ZFAT: variants seen among roughly 807,000 people sequenced by gnomAD.
ZFAT encodes zinc finger protein ZFAT.
A neutral mutation model predicts 117.7 loss-of-function variants in ZFAT; 64 were observed. The ratio of observed to expected loss-of-function variants is 0.54; its 90% CI spans 0.44 to 0.67. The LOEUF is 0.67. Ranked by LOEUF, ZFAT falls within the 30% of genes least tolerant of loss-of-function variation. ZFAT has a pLI of 0.00. For missense variants in ZFAT, 1,433 were observed against 1,584.5 expected (o/e 0.90, Z 1.62); for synonymous variants, 679 against 615.0 (o/e 1.10, Z -1.54).
chr8:134,603,637 T>C (rs965935373), intron 5 of ZFAT, among the ~76,000 whole-genome samples: 1 of 152,242 alleles, frequency 6.6e-6, no homozygotes, highest in Non-Finnish European at 1.5e-5. Flanking sequence ...ATGTGTTTGA[T>C]TGGTGACTTC....
chr8:134,747,282 G>T, the ZFAT span, among the ~76,000 whole-genome samples: 1 of 151,566 alleles, frequency 6.6e-6, no homozygotes, highest in Non-Finnish European at 1.5e-5. Flanking sequence ...TACAGATGAG[G>T]TCTCACTGTG....
chr8:134,633,043 A>G (rs1829989762), intron 3 of ZFAT, among the ~76,000 whole-genome samples: 1 of 152,224 alleles, frequency 6.6e-6, no homozygotes, highest in African/African-American at 2.4e-5. Context: ...CGCACATTCT[A>G]CAGGGCAGTT....
At chr8:134,559,819 T>C (rs542599570) in intron 11 of ZFAT, among the ~76,000 whole-genome samples, 1 of 152,362 alleles carries the variant, frequency 6.6e-6, no homozygotes, top group Admixed American at 6.5e-5. Context: ...TATTCCCTTC[T>C]CTGTGATCTG....
rs187940006 is a variant in ZFAT, at chr8:134,649,030, C to T, written c.196+8531G>A. Among the ~76,000 whole-genome samples the T allele has an allele frequency of 2.6e-5, 4 of 151,752 alleles. No homozygotes were observed. In the East Asian group the frequency reaches 7.7e-4, roughly 29 times the overall value. On this transcript the variant is annotated intron_variant, in intron 2 of 15. Coordinates refer to ENST00000377838, the MANE Select transcript of ZFAT (RefSeq NM_020863.4). ...TAATACAACAAATAAGAAAAAAAAC[C>T]ACATGGTCATCTCAACAAACTCAGA...
At chr8:134,624,805 C>T (rs1586839767) in intron 3 of ZFAT, among the ~76,000 whole-genome samples, 1 of 152,136 alleles carries the variant, frequency 6.6e-6, no homozygotes, top group South Asian at 2.1e-4. Context: ...TGGAAGCAGG[C>T]AACTAAAGAG....
At chr8:134,582,730 C>G (rs564147417) in intron 10 of ZFAT, among the ~76,000 whole-genome samples, 4 of 152,104 alleles carry the variant, frequency 2.6e-5, no homozygotes, top group Non-Finnish European at 5.9e-5. Context: ...CTGAGTCCCT[C>G]GAGCTCACCT....
the ZFAT span, among the ~76,000 whole-genome samples, chr8:134,787,885 A>G: frequency 6.6e-6 from 1 of 151,926 alleles, no homozygotes. Context: ...ATCAATTTCT[A>G]TTTGTTTCTG....
the ZFAT span, among the ~76,000 whole-genome samples, chr8:134,811,006 AAAAG>A: frequency 6.6e-6 from 1 of 152,120 alleles, no homozygotes; most frequent in African/African-American, 2.4e-5. Flanking sequence ...TTTAAACAGT[AAAAG>A]AAAAAAAAAA....
In ZFAT at chr8:134,549,444, A is replaced by C. The variant is rs1211970681; in HGVS notation, c.2976+15889T>G. 1.7e-4 allele frequency among the ~76,000 whole-genome samples: 4 copies of C among 23,846 alleles called. No homozygotes were observed. In the Admixed American group the frequency reaches 2.1e-3, roughly 12 times the overall value. 15.6% of individuals were successfully genotyped at this position (23,846 alleles called of 152,430 possible). Reference sequence around the variant, plus strand: ...CGACAGAGCGAGACTCCGTCTCAGAAAAAAAAAAAAAAAAAAAGAAGAAGA... The same window carrying C: ...CGACAGAGCGAGACTCCGTCTCAGACAAAAAAAAAAAAAAAAAGAAGAAGA... On this transcript the variant is annotated intron_variant, in intron 11 of 15. Transcript: ENST00000377838.
intron 15 of ZFAT, among the ~76,000 whole-genome samples, chr8:134,502,785 C>G (rs1819092834): frequency 6.6e-6 from 1 of 152,196 alleles, no homozygotes; most frequent in South Asian, 2.1e-4. Flanking sequence ...AAGATTAAGG[C>G]AGAATAATTC....
At chr8:134,736,102 A>C in the ZFAT span, among the ~76,000 whole-genome samples, 2 of 152,188 alleles carry the variant, frequency 1.3e-5, no homozygotes, top group African/African-American at 4.8e-5. Flanking sequence ...AGTGGGTCCC[A>C]AATGTTAGAA....
chr8:134,679,008 C>T (rs4909604), intron 1 of ZFAT, among the ~76,000 whole-genome samples: 62,414 of 151,882 alleles, frequency 0.41, 13,214 homozygotes, highest in African/African-American at 0.52. Flanking sequence ...CTAGGCAATA[C>T]CATTCAGGAC....
At position 134,637,624 on chromosome 8, in the gene ZFAT, C is replaced by T. The variant is rs200246512; in HGVS notation, c.285G>A (p.Val95=). The part of the protein sequence containing the change: ...STEEELAENI[V]SPTEDSPLAP... ...CCAGCGGGCTGTCCTCAGTCGGACT[C>T]ACGATGTTTTCTGCCAGCTCCTCTT... The change falls in exon 3 of 16, where the codon GTG becomes GTA. Residue 95 remains valine, a synonymous_variant. Transcript: ENST00000377838. 9.2e-5 allele frequency: 149 copies of T among 1,614,106 alleles called. No homozygotes were observed. The highest frequency in any genetic ancestry group is 1.2e-4 in the Non-Finnish European group (139 of 1,180,062).
intron 15 of ZFAT, among the ~76,000 whole-genome samples, chr8:134,504,111 A>T (rs1819209514): frequency 6.6e-6 from 1 of 152,224 alleles, no homozygotes; most frequent in Non-Finnish European, 1.5e-5. Context: ...AGACTGCATC[A>T]GGTAAGCTCT....
chr8:134,820,300 C>T, the ZFAT span, among the ~76,000 whole-genome samples: 2 of 152,078 alleles, frequency 1.3e-5, no homozygotes, highest in Non-Finnish European at 2.9e-5. Context: ...AGGAAAGATC[C>T]TCAACTTCAA....
At chr8:134,690,960 A>G (rs916309980) in intron 1 of ZFAT, among the ~76,000 whole-genome samples, 17 of 152,306 alleles carry the variant, frequency 1.1e-4, no homozygotes, top group African/African-American at 3.6e-4. Context: ...AAGCAATTCC[A>G]TTTTGTTCAT....
At chr8:134,729,894 A>G in the ZFAT span, among the ~76,000 whole-genome samples, 38 of 152,290 alleles carry the variant, frequency 2.5e-4, no homozygotes, top group South Asian at 3.7e-3. Flanking sequence ...AATACACAAT[A>G]ACTGGATTTT....
chr8:134,584,773 G>A (rs1825950005), intron 9 of ZFAT, among the ~76,000 whole-genome samples: 1 of 151,350 alleles, frequency 6.6e-6, no homozygotes, highest in African/African-American at 2.4e-5. Context: ...GTGCTATAGG[G>A]ACAGGGGCTG....
chr8:134,588,855 G>A (rs1230438885), intron 8 of ZFAT, among the ~76,000 whole-genome samples: 1 of 152,220 alleles, frequency 6.6e-6, no homozygotes, highest in Non-Finnish European at 1.5e-5. Context: ...GATAATAGGT[G>A]GCAATAATGA....
Sources: gnomAD v4.1 joint callset for allele counts (sites outside exome capture counted in the v4.1 genomes callset) on GRCh38, gnomAD v4.1.1 for gene constraint, MANE v1.5 for transcripts, NCBI Gene and HGNC (gene_info 2026-07-23, HGNC 2026-07-21) for gene names.